RGS6: variants seen among roughly 807,000 people sequenced by gnomAD.
RGS6 encodes regulator of G-protein signaling 6.
Under a neutral mutation model 78.5 loss-of-function variants are expected in RGS6, and 30 were observed. That is an observed-to-expected ratio of 0.38 (90% CI 0.29 to 0.52). The LOEUF is 0.52. Ranked by LOEUF, RGS6 falls within the 20% of genes least tolerant of loss-of-function variation. RGS6 has a pLI of 0.85. For synonymous variants in RGS6, 206 were observed against 206.0 expected, an observed-to-expected ratio of 1.00 and a Z score of 0.00; for missense variants, 495 against 609.7, an observed-to-expected ratio of 0.81 and a Z score of 1.98.
intron 3 of RGS6, among the ~76,000 whole-genome samples, chr14:72,415,585 G>A (rs887488450): frequency 1.3e-5 from 2 of 152,192 alleles, no homozygotes; most frequent in African/African-American, 2.4e-5. Flanking sequence ...AGATGAACCC[G>A]GTACCTCAGT....
chr14:72,138,834 C>T (rs1475996821), intron 2 of RGS6, among the ~76,000 whole-genome samples: 3 of 152,120 alleles, frequency 2.0e-5, no homozygotes, highest in Non-Finnish European at 2.9e-5. Context: ...CCATCACCCC[C>T]AGATGGGACT....
At position 72,352,165 on chromosome 14, in the gene RGS6, T is replaced by G. The variant is rs2079220908; in HGVS notation, c.155T>G (p.Phe52Cys). ...GTGCCCATCAGAACAGTCAAGAGCTTTCTCTCCAAAATCCCCAGTGTCGTC... is the reference window on the plus strand; with the variant it reads ...GTGCCCATCAGAACAGTCAAGAGCTGTCTCTCCAAAATCCCCAGTGTCGTC... ...GGVPIRTVKS[F>C]LSKIPSVVTG... Residue 52 changes from phenylalanine to cysteine, a missense_variant, in exon 3 of 18, where the codon TTT becomes TGT. Physicochemically the swap from Phe to Cys is radical, Grantham distance 205. Coordinates refer to ENST00000553525, the MANE Select transcript of RGS6 (RefSeq NM_001204424.2). 6.2e-7 allele frequency: 1 copy of G among 1,613,272 alleles called. No individual in the cohort carries two copies. The highest frequency in any genetic ancestry group is 1.1e-5 in the South Asian group (1 of 90,848).
intron 3 of RGS6, among the ~76,000 whole-genome samples, chr14:72,383,417 T>C (rs1000952341): frequency 6.6e-6 from 1 of 151,918 alleles, no homozygotes; most frequent in African/African-American, 2.4e-5. Context: ...CGATTGAACA[T>C]TATTCCATCT....
intron 2 of RGS6, among the ~76,000 whole-genome samples, chr14:72,201,103 A>C (rs1216874535): frequency 6.6e-6 from 1 of 152,132 alleles, no homozygotes; most frequent in East Asian, 1.9e-4. Context: ...TTCTCAAGGA[A>C]GTGGTGCCTT....
At chr14:72,543,434 C>T (rs1451633800) in intron 17 of RGS6, among the ~76,000 whole-genome samples, 1 of 152,190 alleles carries the variant, frequency 6.6e-6, no homozygotes, top group East Asian at 1.9e-4. Context: ...TGATTTGGAG[C>T]CTGTCTCTGC....
the RGS6 span, among the ~76,000 whole-genome samples, chr14:71,890,513 T>G: frequency 6.6e-6 from 1 of 152,200 alleles, no homozygotes; most frequent in South Asian, 2.1e-4. Flanking sequence ...GCATAGACCT[T>G]TGTTCCAACC....
chr14:72,387,054 C>G (rs956093077), intron 3 of RGS6, among the ~76,000 whole-genome samples: 1 of 152,132 alleles, frequency 6.6e-6, no homozygotes, highest in Non-Finnish European at 1.5e-5. Flanking sequence ...GCTTAAAACA[C>G]TGACTATGCA....
At chr14:72,119,777 T>C (rs1198328287) in intron 2 of RGS6, among the ~76,000 whole-genome samples, 1 of 152,216 alleles carries the variant, frequency 6.6e-6, no homozygotes, top group East Asian at 1.9e-4. Context: ...GAAACATGGA[T>C]ATCATATATG....
At chr14:71,905,573 C>G in the RGS6 span, among the ~76,000 whole-genome samples, 1 of 152,144 alleles carries the variant, frequency 6.6e-6, no homozygotes, top group African/African-American at 2.4e-5. Context: ...TCACTGCAAC[C>G]TCCACCTCCT....
chr14:72,153,182 C>T (rs2096719101), intron 2 of RGS6, among the ~76,000 whole-genome samples: 1 of 152,234 alleles, frequency 6.6e-6, no homozygotes, highest in Non-Finnish European at 1.5e-5. Context: ...CTATACCTCA[C>T]TGAAGCCCAG....
intron 2 of RGS6, among the ~76,000 whole-genome samples, chr14:72,013,817 T>C (rs2086378136): frequency 6.6e-6 from 1 of 152,076 alleles, no homozygotes; most frequent in Non-Finnish European, 1.5e-5. Context: ...GCCTTCAGGC[T>C]TTTCTCCTGA....
intron 2 of RGS6, among the ~76,000 whole-genome samples, chr14:72,216,948 G>T (rs2045730045): frequency 1.3e-5 from 2 of 152,022 alleles, no homozygotes; most frequent in South Asian, 4.2e-4. Context: ...TTGACCTTTT[G>T]GTAAAGATAA....
At chr14:71,905,960 C>G in the RGS6 span, among the ~76,000 whole-genome samples, 1 of 152,052 alleles carries the variant, frequency 6.6e-6, no homozygotes, top group Non-Finnish European at 1.5e-5. Context: ...TACACGAGGC[C>G]GAAGGAAAAG....
At chr14:72,549,270 C>T (rs146581520) in intron 17 of RGS6, among the ~76,000 whole-genome samples, 1,746 of 151,898 alleles carry the variant, frequency 0.011, 9 homozygotes, top group Non-Finnish European at 0.017. Flanking sequence ...CATTTGCTGC[C>T]GCAGCAGCTG....
At chr14:72,135,094 T>C (rs2096410555) in intron 2 of RGS6, among the ~76,000 whole-genome samples, 1 of 152,226 alleles carries the variant, frequency 6.6e-6, no homozygotes, top group African/African-American at 2.4e-5. Flanking sequence ...GCTTCACATA[T>C]GTTTTTAAAA....
At chr14:72,544,586 AT>A (rs2097367793) in intron 17 of RGS6, among the ~76,000 whole-genome samples, 1 of 152,192 alleles carries the variant, frequency 6.6e-6, no homozygotes, top group Non-Finnish European at 1.5e-5. Flanking sequence ...GCTCCTTGGA[AT>A]TGCGGCAGGA....
intron 10 of RGS6, among the ~76,000 whole-genome samples, chr14:72,475,830 G>GCACACACACACACACACGCACACA (rs1555424337): frequency 6.2e-5 from 9 of 145,606 alleles, no homozygotes; most frequent in African/African-American, 2.1e-4. Flanking sequence ...AAAAATACAC[G>GCACACACACACACACACGCACACA]CACACACACA....
the RGS6 span, among the ~76,000 whole-genome samples, chr14:71,880,371 C>A: frequency 2.0e-5 from 3 of 152,226 alleles, no homozygotes; most frequent in South Asian, 6.2e-4. Flanking sequence ...AAAATTAATC[C>A]CCAAGACAAT....
the RGS6 span, among the ~76,000 whole-genome samples, chr14:72,618,560 C>T: frequency 6.6e-6 from 1 of 152,182 alleles, no homozygotes; most frequent in Non-Finnish European, 1.5e-5. Context: ...AAGTCTCTCC[C>T]GATGGATAAC....
Sources: gnomAD v4.1 joint callset for allele counts (sites outside exome capture counted in the v4.1 genomes callset) on GRCh38, gnomAD v4.1.1 for gene constraint, MANE v1.5 for transcripts, NCBI Gene and HGNC (gene_info 2026-07-23, HGNC 2026-07-21) for gene names.